The following PRKCH variants were observed in gnomAD, a reference collection of about 807,000 sequenced individuals.
The protein encoded by PRKCH is protein kinase C eta type.
In PRKCH, 28 loss-of-function variants were observed where a neutral mutation model predicts 82.5. That is an observed-to-expected ratio of 0.34 (90% confidence interval 0.25 to 0.47). The LOEUF (loss-of-function observed/expected upper bound fraction) is 0.47. Among genes scored for constraint, PRKCH ranks in the 20% least tolerant of loss-of-function variants. The probability of loss-of-function intolerance (pLI) is 1.00; values close to 1 mark genes in which losing one functional copy is unlikely to be tolerated. For synonymous variants in PRKCH, 322 were observed against 327.4 expected (o/e 0.98, Z 0.18); for missense variants, 705 against 881.8 (o/e 0.80, Z 2.54).
intron 2 of PRKCH, among the ~76,000 whole-genome samples, chr14:61,410,720 C>T (rs1454546145): frequency 6.6e-6 from 1 of 152,154 alleles, no homozygotes; most frequent in Admixed American, 6.5e-5. Flanking sequence ...CAAAGATAAG[C>T]GTTACCTGTA....
At chr14:61,393,393 C>G (rs1716832396) in intron 2 of PRKCH, among the ~76,000 whole-genome samples, 1 of 152,140 alleles carries the variant, frequency 6.6e-6, no homozygotes, top group South Asian at 2.1e-4. Flanking sequence ...TATCTTTAAA[C>G]CCATCTGTAG....
At chr14:61,260,252 G>A (rs2045034666) in intron 1 of PRKCH, among the ~76,000 whole-genome samples, 1 of 152,182 alleles carries the variant, frequency 6.6e-6, no homozygotes, top group South Asian at 2.1e-4. Context: ...TTAATATGTA[G>A]TGTAATTGCA....
intron 1 of PRKCH, among the ~76,000 whole-genome samples, chr14:61,340,011 A>G (rs1466103315): frequency 2.0e-5 from 3 of 151,734 alleles, no homozygotes; most frequent in Non-Finnish European, 4.4e-5. Flanking sequence ...AACATACCCA[A>G]ATCTTTCTGA....
rs996075261 is a variant in PRKCH at position 61,495,657 on chromosome 14, T to C, written c.1433+10001T>C. Among the ~76,000 whole-genome samples, 11 of 152,346 alleles carry C rather than the reference T, an allele frequency of 7.2e-5. No individual in the cohort carries two copies. In the East Asian group the frequency reaches 2.1e-3, roughly 29 times the overall value. ...CCTGCCCTCGAGCTTGGGGTGTTTG[T>C]TCTTTCCGTTAACAAATAATTTTTT... On this transcript the variant is annotated intron_variant, in intron 10 of 13. Transcript: ENST00000332981.
intron 1 of PRKCH, among the ~76,000 whole-genome samples, chr14:61,388,256 T>C (rs1159763787): frequency 1.3e-5 from 2 of 152,164 alleles, no homozygotes; most frequent in Non-Finnish European, 2.9e-5. Context: ...AACCCTGTTC[T>C]AAGGTCCAGT....
intron 2 of PRKCH, among the ~76,000 whole-genome samples, chr14:61,435,884 T>G (rs1883655661): frequency 6.6e-6 from 1 of 152,058 alleles, no homozygotes; most frequent in African/African-American, 2.4e-5. Flanking sequence ...GAAAAGCCAG[T>G]GAAGGAGACT....
chr14:61,281,488 A>G (rs1217639370), intron 1 of PRKCH: 3 of 190,310 alleles, frequency 1.6e-5, no homozygotes, highest in Admixed American at 6.3e-5. Context: ...CTCTCAGTCC[A>G]GGTCATCGGA....
chr14:61,460,363 T>C (rs1428765154), intron 9 of PRKCH, among the ~76,000 whole-genome samples: 8 of 152,354 alleles, frequency 5.3e-5, no homozygotes, highest in South Asian at 2.1e-4. Flanking sequence ...TTTGTCTTTG[T>C]GTGCTTATGC....
At chr14:61,533,331 T>A (rs74917091) in intron 12 of PRKCH, among the ~76,000 whole-genome samples, 1 of 137,694 alleles carries the variant, frequency 7.3e-6, no homozygotes, top group Non-Finnish European at 1.7e-5. Flanking sequence ...TTCTGGGATT[T>A]TTTTTTTTTT....
intron 1 of PRKCH, among the ~76,000 whole-genome samples, chr14:61,217,100 G>C (rs866402245): frequency 6.6e-6 from 1 of 152,168 alleles, no homozygotes; most frequent in African/African-American, 2.4e-5. Flanking sequence ...AAGAGAGAGC[G>C]AGAGACAGAC....
At chr14:61,501,278 T>C (rs556937075) in intron 10 of PRKCH, among the ~76,000 whole-genome samples, 1 of 152,210 alleles carries the variant, frequency 6.6e-6, no homozygotes, top group African/African-American at 2.4e-5. Flanking sequence ...AAAGACAGAT[T>C]CCATAAGGAA....
chr14:61,431,192 A>T (rs1009985154), intron 2 of PRKCH, among the ~76,000 whole-genome samples: 1 of 152,206 alleles, frequency 6.6e-6, no homozygotes. Flanking sequence ...AAATGCCTCA[A>T]ATGAACATGT....
chr14:61,481,910 T>C (rs1393419344), intron 9 of PRKCH, among the ~76,000 whole-genome samples: 2 of 152,012 alleles, frequency 1.3e-5, no homozygotes, highest in Non-Finnish European at 2.9e-5. Flanking sequence ...GAGGACATAC[T>C]TAATACAATT....
At chr14:61,469,468 C>T (rs1259131641) in intron 9 of PRKCH, among the ~76,000 whole-genome samples, 1 of 152,166 alleles carries the variant, frequency 6.6e-6, no homozygotes, top group Non-Finnish European at 1.5e-5. Context: ...CTTTAAGCAG[C>T]CCCTCGGGTG....
At chr14:61,477,892 T>G (rs1885798747) in intron 9 of PRKCH, among the ~76,000 whole-genome samples, 1 of 152,166 alleles carries the variant, frequency 6.6e-6, no homozygotes, top group Non-Finnish European at 1.5e-5. Flanking sequence ...CTGCTGCAGT[T>G]GCTGTTTCGG....
chr14:61,453,579 TTC>T (rs1318204521), intron 7 of PRKCH, among the ~76,000 whole-genome samples: 7 of 151,300 alleles, frequency 4.6e-5, no homozygotes, highest in Admixed American at 4.6e-4. Flanking sequence ...TCCCTTTTTT[TTC>T]TCTCTCTCTC....
At chr14:61,189,179 G>A (rs983594418) in intron 1 of PRKCH, among the ~76,000 whole-genome samples, 2 of 152,232 alleles carry the variant, frequency 1.3e-5, no homozygotes, top group African/African-American at 4.8e-5. Flanking sequence ...GGCAGCGTCC[G>A]CGCTCCCTAC....
At chr14:61,313,033 A>C (rs914044997) in intron 1 of PRKCH, among the ~76,000 whole-genome samples, 1 of 152,188 alleles carries the variant, frequency 6.6e-6, no homozygotes, top group Non-Finnish European at 1.5e-5. Context: ...GGTTTTCATA[A>C]GTGACCTAAA....
chr14:61,246,884 G>A (rs1204033683), intron 1 of PRKCH, among the ~76,000 whole-genome samples: 3 of 152,048 alleles, frequency 2.0e-5, no homozygotes, highest in African/African-American at 7.2e-5. Flanking sequence ...CACTGTGTCC[G>A]GCCATGTCAG....
Sources: allele counts gnomAD v4.1 joint callset (sites outside exome capture counted in the v4.1 genomes callset), GRCh38; gene constraint gnomAD v4.1.1; transcripts MANE v1.5; gene names NCBI Gene and HGNC (gene_info 2026-07-23, HGNC 2026-07-21).